CHEK1: variants seen among roughly 807,000 people sequenced by gnomAD.
The protein encoded by CHEK1 is checkpoint kinase 1.
CHEK1 carries 32 observed loss-of-function variants against 60.2 expected under a neutral mutation model. The observed-to-expected ratio is 0.53, with a 90% CI of 0.40 to 0.71. The LOEUF (loss-of-function observed/expected upper bound fraction) is 0.71. Among genes scored for constraint, CHEK1 ranks in the 30% least tolerant of loss-of-function variants. CHEK1 has a pLI of 0.00. For synonymous variants in CHEK1, 179 were observed against 187.2 expected (o/e 0.96, Z 0.36); for missense variants, 399 against 564.6 (o/e 0.71, Z 2.97).
rs1275352306 is a variant in CHEK1 at position 125,627,599 on chromosome 11, C to A, written c.66-8C>A. 3 of 1,598,170 alleles carry A rather than the reference C, an allele frequency of 1.9e-6. No individual in the cohort carries two copies. Among genetic ancestry groups the A allele is most frequent in the African/African-American group, 2.7e-5 (2 of 73,870 alleles). On this transcript the variant is annotated splice_region_variant and splice_polypyrimidine_tract_variant and intron_variant, in intron 2 of 12. Transcript: ENST00000438015. Reference sequence around the variant, plus strand: ...ATTCTGTAATGTTAAAACTCTTTTCCTTTTTAGAGTTCAACTTGCTGTGAA... The same window carrying A: ...ATTCTGTAATGTTAAAACTCTTTTCATTTTTAGAGTTCAACTTGCTGTGAA...
chr11:125,626,121 G>A (rs1373901317), intron 1 of CHEK1, 109 bp downstream of exon 1: 1 of 630,722 alleles, frequency 1.6e-6, no homozygotes. Flanking sequence ...ACTAGCGCAG[G>A]GGATTGGAGA....
rs1250007145 is a variant in CHEK1, at chr11:125,635,536, A to G, written c.718+3A>G. On this transcript the variant is annotated splice_donor_region_variant and intron_variant, in intron 7 of 12. Transcript: ENST00000438015. The stretch of plus-strand genomic sequence containing the variant: ...AAAAATCGATTCTGCTCCTCTAGGT[A>G]ACTGAATTATCTTGAGTGAAAGAGT... 1 of 1,572,566 alleles carries G rather than the reference A, an allele frequency of 6.4e-7. No homozygotes were observed. Among genetic ancestry groups the G allele is most frequent in the Non-Finnish European group, 8.7e-7 (1 of 1,154,496 alleles).
At chr11:125,676,223 A>T in exon 14 of CHEK1, 2 of 1,186,478 alleles carry the variant, frequency 1.7e-6, no homozygotes, top group Non-Finnish European at 1.2e-6. Flanking sequence ...TTCTGTTCTT[A>T]GTCCTTGAAA....
downstream of CHEK1, among the ~76,000 whole-genome samples, chr11:125,680,447 A>T (rs551786204): frequency 7.9e-5 from 12 of 152,322 alleles, no homozygotes; most frequent in East Asian, 2.1e-3. Context: ...CAGAACCCCT[A>T]AGCCTACTTT....
intron 2 of CHEK1, 145 bp from the exon 3 acceptor site, chr11:125,627,462 G>A (rs547622432): frequency 3.2e-6 from 2 of 633,292 alleles, no homozygotes; most frequent in African/African-American, 1.8e-5. Context: ...AGTGTGTGTT[G>A]AGAACATAGC....
intron 11 of CHEK1, among the ~76,000 whole-genome samples, chr11:125,648,108 A>C (rs1357787745): frequency 4.0e-5 from 2 of 50,130 alleles, no homozygotes; most frequent in Non-Finnish European, 9.3e-5. Flanking sequence ...AATCCTGTTT[A>C]TTCTTTTTTT....
At chr11:125,658,515 G>A (rs375815274), downstream of CHEK1, among the ~76,000 whole-genome samples, 56 of 151,514 alleles carry the variant, frequency 3.7e-4, no homozygotes, top group East Asian at 5.0e-3. Flanking sequence ...CCCATTCTGC[G>A]GCTTATTGTT....
chr11:125,661,398 GC>G (rs1942012853), downstream of CHEK1, among the ~76,000 whole-genome samples: 1 of 151,928 alleles, frequency 6.6e-6, no homozygotes, highest in Admixed American at 6.6e-5. Flanking sequence ...TGCCACCTCT[GC>G]CTCCTGGGTG....
chr11:125,633,200 A>G lies in CHEK1; in HGVS notation c.462A>G (p.Val154=). The G allele has an allele frequency of 3.1e-6, 5 of 1,601,788 alleles. No homozygotes were observed. Among genetic ancestry groups the G allele is most frequent in the Non-Finnish European group, 4.2e-6 (5 of 1,176,800 alleles). Residue 154 remains valine (V), a synonymous_variant, in exon 6 of 13, where the codon GTA becomes GTG. Transcript: ENST00000438015. The part of the protein sequence containing the change: ...LKISDFGLAT[V]FRYNNRERLL... ...TCTCAGACTTTGGCTTGGCAACAGTATTTCGGTATAATAATCGTGAGCGTT... is the reference window on the plus strand; with the variant it reads ...TCTCAGACTTTGGCTTGGCAACAGTGTTTCGGTATAATAATCGTGAGCGTT...
chr11:125,640,881 G>A (rs1405696429), intron 8 of CHEK1, among the ~76,000 whole-genome samples: 5 of 151,846 alleles, frequency 3.3e-5, no homozygotes, highest in African/African-American at 1.2e-4. Context: ...CACCCACCCC[G>A]GCCTCCCAAA....
chr11:125,680,639 A>G, downstream of CHEK1: 2 of 1,195,026 alleles, frequency 1.7e-6, no homozygotes, highest in Non-Finnish European at 2.4e-6. Flanking sequence ...GGTTTGGGTG[A>G]CTGAGAGACT....
downstream of CHEK1, among the ~76,000 whole-genome samples, chr11:125,657,715 C>T (rs970293918): frequency 2.0e-5 from 3 of 152,058 alleles, no homozygotes; most frequent in Non-Finnish European, 4.4e-5. Flanking sequence ...ATGAACATCC[C>T]ACTAACTATT....
rs553181272 is a variant in CHEK1 at position 125,657,056 on chromosome 11, C to A, written c.*1736C>A. ...AAGGCATTCTGTAAATAATAAGTTG[C>A]CTTAATTTTCCTGTAATGTTCATTA... On this transcript the variant is annotated 3_prime_UTR_variant, in exon 13 of 13. Transcript: ENST00000438015. 1 of 183,930 alleles carries A rather than the reference C, an allele frequency of 5.4e-6. No homozygotes were observed. Among genetic ancestry groups the A allele is most frequent in the East Asian group, 8.9e-5 (1 of 11,260 alleles). The allele number at this position is 183,930 out of a possible 1,614,324, so 11.4% of individuals were successfully genotyped here.
chr11:125,635,471 C>T lies in CHEK1; in HGVS notation c.656C>T (p.Ser219Phe). 6.2e-7 allele frequency: 1 copy of T among 1,607,008 alleles called. No individual in the cohort carries two copies. Residue 219 changes from serine to phenylalanine, a missense_variant, in exon 7 of 13, where the codon TCT becomes TTT. Ser to Phe is a radical substitution (Grantham distance 155). Around this residue, in one of 2 missense-constraint regions of CHEK1, gnomAD observed 370 missense variants for 494.8 expected, o/e 0.75. Transcript: ENST00000438015. ...CCCAGTGACAGCTGTCAGGAGTATT[C>T]TGACTGGAAAGAAAAAAAAACATAC... ...DQPSDSCQEY[S>F]DWKEKKTYLN... is the part of the protein sequence containing the mutation.
At chr11:125,633,044 G>T in intron 5 of CHEK1, 119 bp from the exon 6 acceptor site, 2 of 802,812 alleles carry the variant, frequency 2.5e-6, no homozygotes, top group Non-Finnish European at 1.9e-6. Context: ...TATTTTAAGA[G>T]AAGTTCTACA....
downstream of CHEK1, among the ~76,000 whole-genome samples, chr11:125,661,246 T>C (rs1942008684): frequency 6.6e-6 from 1 of 152,190 alleles, no homozygotes; most frequent in Non-Finnish European, 1.5e-5. Flanking sequence ...ATCATCTTAC[T>C]TTGGTTCCAC....
chr11:125,644,037 C>A, intron 9 of CHEK1, 54 bp from the exon 10 acceptor site: 5 of 1,573,360 alleles, frequency 3.2e-6, no homozygotes, highest in South Asian at 1.2e-5. Context: ...ATAAGAAAGG[C>A]CTGATAGATT....
intron 11 of CHEK1, among the ~76,000 whole-genome samples, chr11:125,645,082 T>G (rs555730659): frequency 9.1e-4 from 139 of 152,320 alleles, no homozygotes; most frequent in African/African-American, 3.2e-3. Flanking sequence ...AAAATGTTCT[T>G]TACTTTAAGA....
intron 2 of CHEK1, 50 bp downstream of exon 2, chr11:125,626,883 T>G (rs772167897): frequency 2.5e-6 from 4 of 1,578,242 alleles, no homozygotes; most frequent in Non-Finnish European, 3.5e-6. Context: ...ATTCATTGTT[T>G]TGGAGTCTCA....
Sources: allele counts gnomAD v4.1 joint callset (sites outside exome capture counted in the v4.1 genomes callset), GRCh38; gene constraint gnomAD v4.1.1; regional missense constraint gnomAD v4.1.1; transcripts MANE v1.5; gene names NCBI Gene and HGNC (gene_info 2026-07-23, HGNC 2026-07-21).